The following UXS1 variants were observed in gnomAD, a reference collection of about 807,000 sequenced individuals.
UXS1 encodes UDP-glucuronate decarboxylase 1.
Under a neutral mutation model 62.6 loss-of-function variants are expected in UXS1, and 33 were observed. The ratio of observed to expected loss-of-function variants is 0.53; its 90% CI spans 0.40 to 0.70. UXS1 has a LOEUF of 0.70. Among genes scored for constraint, UXS1 ranks in the 30% least tolerant of loss-of-function variants. UXS1 has a pLI of 0.00. For synonymous variants in UXS1, 213 were observed against 206.8 expected (o/e 1.03, Z -0.26); for missense variants, 434 against 556.3 (o/e 0.78, Z 2.21).
intron 11 of UXS1, among the ~76,000 whole-genome samples, chr2:106,103,663 C>A (rs28669977): frequency 0.72 from 108,905 of 152,058 alleles, 39,448 homozygotes; most frequent in South Asian, 0.79. Context: ...CTATTTGGGC[C>A]ACAAAGTTGG....
At chr2:106,182,290 A>C (rs1684295085) in intron 1 of UXS1, among the ~76,000 whole-genome samples, 1 of 152,180 alleles carries the variant, frequency 6.6e-6, no homozygotes, top group Admixed American at 6.5e-5. Flanking sequence ...AAAGTTTATG[A>C]ATTTGTCCTG....
At chr2:106,123,575 G>A (rs893140492) in intron 8 of UXS1, among the ~76,000 whole-genome samples, 19 of 152,234 alleles carry the variant, frequency 1.2e-4, no homozygotes, top group African/African-American at 4.3e-4. Context: ...CAACGTGGAG[G>A]CTCCTGTAGG....
rs1238697136 is a variant in UXS1, at chr2:106,185,193, T to TGC, written c.94+8953_94+8954dup. The stretch of plus-strand genomic sequence containing the variant: ...ATCCTTCTGCTAAATGCCAACTCAA[T>TGC]GCCCCAGGTCTTAAGGGCATCCCAT... On this transcript the variant is annotated intron_variant, in intron 1 of 14. Transcript: ENST00000283148. Among the ~76,000 whole-genome samples the TGC allele has an allele frequency of 3.9e-5, 6 of 152,328 alleles. No homozygotes were observed. The East Asian group carries it at 1.2e-3, about 29-fold the overall frequency.
chr2:106,131,065 G>T (rs1200558260), intron 6 of UXS1, among the ~76,000 whole-genome samples: 3 of 150,202 alleles, frequency 2.0e-5, no homozygotes, highest in Non-Finnish European at 4.4e-5. Context: ...TGCGCGAGCC[G>T]AAGCAGGGCG....
chr2:106,158,628 C>G (rs1010055043), intron 4 of UXS1, among the ~76,000 whole-genome samples: 5 of 152,030 alleles, frequency 3.3e-5, no homozygotes, highest in Non-Finnish European at 7.4e-5. Flanking sequence ...GAAAACTGAC[C>G]CCCCTCCTTG....
chr2:106,194,277 C>T lies in UXS1; in HGVS notation c.-36G>A. On this transcript the variant is annotated 5_prime_UTR_variant, in exon 1 of 15. Coordinates refer to ENST00000283148, the MANE Select transcript of UXS1 (RefSeq NM_001253875.2). ...CGCGCGGGTCCAGGGCCCTACCGCG[C>T]GGGGGCCCGCCTGCTGCACAATGCG... 8.3e-7 allele frequency: 1 copy of T among 1,207,260 alleles called. No homozygotes were observed. The highest frequency in any genetic ancestry group is 1.0e-6 in the Non-Finnish European group (1 of 953,882). 74.8% of individuals were successfully genotyped at this position (1,207,260 alleles called of 1,614,324 possible).
chr2:106,156,452 C>T (rs556866940), intron 5 of UXS1, among the ~76,000 whole-genome samples: 3 of 152,204 alleles, frequency 2.0e-5, no homozygotes, highest in East Asian at 1.9e-4. Flanking sequence ...TGTACAATGG[C>T]GCAGCTGCTC....
intron 9 of UXS1, among the ~76,000 whole-genome samples, chr2:106,117,397 T>C (rs192710286): frequency 5.5e-4 from 84 of 152,356 alleles, no homozygotes; most frequent in Admixed American, 8.5e-4. Context: ...CCTGGGAACT[T>C]AACTCTTGTT....
intron 10 of UXS1, among the ~76,000 whole-genome samples, chr2:106,107,085 A>C (rs1678142744): frequency 6.6e-6 from 1 of 152,064 alleles, no homozygotes; most frequent in African/African-American, 2.4e-5. Flanking sequence ...CCCGCGTCAC[A>C]GGCTCCTCCA....
chr2:106,125,517 G>A (rs1679863807), intron 8 of UXS1, 103 bp downstream of exon 8: 2 of 1,125,612 alleles, frequency 1.8e-6, no homozygotes, highest in South Asian at 5.5e-5. Flanking sequence ...AGGAGCATGG[G>A]CAGGCTGGGC....
At chr2:106,126,958 T>C (rs1390068506) in intron 7 of UXS1, among the ~76,000 whole-genome samples, 3 of 152,174 alleles carry the variant, frequency 2.0e-5, no homozygotes, top group Non-Finnish European at 4.4e-5. Context: ...TCTCCATGTC[T>C]ATAATTGTGT....
intron 7 of UXS1, among the ~76,000 whole-genome samples, chr2:106,128,073 C>T (rs939447042): frequency 6.6e-6 from 1 of 152,078 alleles, no homozygotes; most frequent in African/African-American, 2.4e-5. Flanking sequence ...CTGCATCCCC[C>T]GAGTAGGAAG....
intron 5 of UXS1, among the ~76,000 whole-genome samples, chr2:106,155,451 A>G (rs1450223863): frequency 6.6e-6 from 1 of 152,250 alleles, no homozygotes; most frequent in Non-Finnish European, 1.5e-5. Flanking sequence ...AGTTAATTAC[A>G]AGGCATTCGC....
At chr2:106,111,249 G>C (rs1189828613) in intron 10 of UXS1, among the ~76,000 whole-genome samples, 1 of 152,198 alleles carries the variant, frequency 6.6e-6, no homozygotes, top group African/African-American at 2.4e-5. Flanking sequence ...TGTGCTGGTG[G>C]ATCTGTGCAG....
intron 14 of UXS1, among the ~76,000 whole-genome samples, chr2:106,095,469 A>G (rs890104658): frequency 8.5e-5 from 13 of 152,218 alleles, no homozygotes; most frequent in African/African-American, 2.9e-4. Flanking sequence ...TTGAAGTTCA[A>G]TATTCTAGGA....
intron 11 of UXS1, among the ~76,000 whole-genome samples, chr2:106,103,909 T>C (rs1677821368): frequency 1.3e-5 from 2 of 152,268 alleles, no homozygotes; most frequent in South Asian, 4.2e-4. Flanking sequence ...CTAAGGGTCC[T>C]GGGTAGGTAC....
At chr2:106,130,962 G>C (rs1447779595) in intron 6 of UXS1, among the ~76,000 whole-genome samples, 4 of 152,132 alleles carry the variant, frequency 2.6e-5, no homozygotes, top group Non-Finnish European at 5.9e-5. Context: ...CGACGCAGAA[G>C]ACGGGTGATT....
chr2:106,190,936 C>T (rs547424310), intron 1 of UXS1, among the ~76,000 whole-genome samples: 1 of 152,128 alleles, frequency 6.6e-6, no homozygotes, highest in African/African-American at 2.4e-5. Context: ...TGATTCAGCA[C>T]AAAGGGCAGA....
chr2:106,140,015 G>C (rs1275849885), intron 6 of UXS1, among the ~76,000 whole-genome samples: 2 of 152,120 alleles, frequency 1.3e-5, no homozygotes, highest in Non-Finnish European at 2.9e-5. Context: ...TTTGTCTCTA[G>C]AACCAGTATT....
Sources: gnomAD v4.1 joint callset for allele counts (sites outside exome capture counted in the v4.1 genomes callset) on GRCh38, gnomAD v4.1.1 for gene constraint, MANE v1.5 for transcripts, NCBI Gene and HGNC (gene_info 2026-07-23, HGNC 2026-07-21) for gene names.